CHST11: variants seen among roughly 807,000 people sequenced by gnomAD.
CHST11 encodes the protein carbohydrate sulfotransferase 11.
Under a neutral mutation model 30.4 loss-of-function variants are expected in CHST11, and 9 were observed. The observed-to-expected ratio is 0.30, with a 90% confidence interval of 0.18 to 0.52. The LOEUF is 0.52. Among genes scored for constraint, CHST11 ranks in the 20% least tolerant of loss-of-function variants. CHST11 has a pLI of 0.97. For missense variants in CHST11, 348 were observed against 460.6 expected, an observed-to-expected ratio of 0.76 and a Z score of 2.24; for synonymous variants, 152 against 187.8, an observed-to-expected ratio of 0.81 and a Z score of 1.56.
chr12:104,656,451 C>T (rs1327969508), intron 2 of CHST11, among the ~76,000 whole-genome samples: 1 of 152,192 alleles, frequency 6.6e-6, no homozygotes, highest in Non-Finnish European at 1.5e-5. Context: ...GAGCACAGCA[C>T]TCAGGCTCCG....
rs146216209 is a variant in CHST11, at chr12:104,484,850, T to C, written c.118+27321T>C. ...AGAAGGCTCTCTCCTGAGCAAGCCA[T>C]GCTGAAGCTAAGACATGAAGGATGT... is the stretch of plus-strand genomic sequence containing the variant. On this transcript the variant is annotated intron_variant, in intron 1 of 2. Coordinates refer to ENST00000303694, the MANE Select transcript of CHST11 (RefSeq NM_018413.6). Among the ~76,000 whole-genome samples the C allele has an allele frequency of 1.9e-3, 292 of 152,320 alleles. 3 individuals carry two copies. The highest frequency in any genetic ancestry group is 3.5e-3 in the Non-Finnish European group (237 of 68,016).
chr12:104,616,146 A>G (rs1188985488), intron 2 of CHST11, among the ~76,000 whole-genome samples: 2 of 152,206 alleles, frequency 1.3e-5, no homozygotes, highest in Admixed American at 6.5e-5. Context: ...TCACTTGGAC[A>G]ATGGAACTCC....
chr12:104,488,623 ATGTATG>A (rs1222505361), intron 1 of CHST11, among the ~76,000 whole-genome samples: 1 of 99,842 alleles, frequency 1.0e-5, no homozygotes, highest in Non-Finnish European at 2.2e-5. Context: ...GTATGTGTGC[ATGTATG>A]TGTGTGTGCG....
intron 1 of CHST11, among the ~76,000 whole-genome samples, chr12:104,468,145 G>A (rs2135952302): frequency 1.3e-5 from 2 of 152,004 alleles, no homozygotes; most frequent in Middle Eastern, 6.8e-3. Context: ...AGCAAGGAAG[G>A]GGGATGTGAA....
intron 2 of CHST11, among the ~76,000 whole-genome samples, chr12:104,737,402 T>C (rs2040310254): frequency 1.3e-5 from 2 of 152,228 alleles, no homozygotes; most frequent in African/African-American, 2.4e-5. Context: ...TGAGCCTCAG[T>C]TGACTCATTT....
At chr12:104,692,063 A>G (rs191214641) in intron 2 of CHST11, among the ~76,000 whole-genome samples, 2 of 152,360 alleles carry the variant, frequency 1.3e-5, no homozygotes, top group Non-Finnish European at 2.9e-5. Context: ...TTAAATACAT[A>G]CAATTGAGAG....
chr12:104,474,307 T>A (rs1291117757), intron 1 of CHST11, among the ~76,000 whole-genome samples: 1 of 152,220 alleles, frequency 6.6e-6, no homozygotes, highest in Non-Finnish European at 1.5e-5. Context: ...GAACAGGCAA[T>A]CTTTTAGTTA....
At chr12:104,622,260 G>A (rs934756612) in intron 2 of CHST11, among the ~76,000 whole-genome samples, 2 of 151,962 alleles carry the variant, frequency 1.3e-5, no homozygotes, top group Non-Finnish European at 2.9e-5. Context: ...CACATTCAAC[G>A]TGAAATTTAT....
At chr12:104,647,994 C>G (rs1181067195) in intron 2 of CHST11, among the ~76,000 whole-genome samples, 1 of 152,134 alleles carries the variant, frequency 6.6e-6, no homozygotes, top group African/African-American at 2.4e-5. Flanking sequence ...GGAGGATATG[C>G]CTTTTCTATG....
At chr12:104,740,593 G>A (rs1321533892) in intron 2 of CHST11, among the ~76,000 whole-genome samples, 1 of 152,214 alleles carries the variant, frequency 6.6e-6, no homozygotes, top group Non-Finnish European at 1.5e-5. Flanking sequence ...AAAATCAGAG[G>A]GTGGTATCAG....
At chr12:104,718,997 G>T (rs1175725173) in intron 2 of CHST11, among the ~76,000 whole-genome samples, 2 of 152,176 alleles carry the variant, frequency 1.3e-5, no homozygotes, top group Admixed American at 1.3e-4. Context: ...GAACCCCAAT[G>T]CATTTCTCCT....
At chr12:104,585,160 G>A (rs527735735) in intron 1 of CHST11, among the ~76,000 whole-genome samples, 7 of 152,308 alleles carry the variant, frequency 4.6e-5, no homozygotes, top group African/African-American at 1.2e-4. Context: ...GGGAGAGATC[G>A]TCTTTCCAGC....
intron 1 of CHST11, among the ~76,000 whole-genome samples, chr12:104,556,980 CAAA>C (rs529711471): frequency 2.5e-4 from 19 of 77,144 alleles, no homozygotes; most frequent in Admixed American, 4.1e-4. Flanking sequence ...GACTCTGTCT[CAAA>C]AAAAAAAAAA....
chr12:104,652,976 G>T (rs547318783), intron 2 of CHST11, among the ~76,000 whole-genome samples: 1 of 152,286 alleles, frequency 6.6e-6, no homozygotes, highest in East Asian at 1.9e-4. Flanking sequence ...GGGAGGCAGT[G>T]AGCTTTTTTT....
chr12:104,751,567 C>T (rs2040432075), intron 2 of CHST11, among the ~76,000 whole-genome samples: 1 of 152,202 alleles, frequency 6.6e-6, no homozygotes. Flanking sequence ...AATTACAGAG[C>T]TGGTGAAATT....
chr12:104,544,769 T>TCCCC (rs199741884), intron 1 of CHST11, among the ~76,000 whole-genome samples: 3 of 51,454 alleles, frequency 5.8e-5, no homozygotes, highest in African/African-American at 1.1e-4. Context: ...GGGGTCACAG[T>TCCCC]CCCCCCACCC....
intron 2 of CHST11, among the ~76,000 whole-genome samples, chr12:104,682,228 G>A (rs1215549118): frequency 6.6e-6 from 1 of 152,184 alleles, no homozygotes; most frequent in Non-Finnish European, 1.5e-5. Flanking sequence ...TATATATGTT[G>A]TACAGCACTG....
intron 1 of CHST11, among the ~76,000 whole-genome samples, chr12:104,590,400 C>T (rs1210311832): frequency 1.3e-5 from 2 of 152,196 alleles, no homozygotes; most frequent in Non-Finnish European, 2.9e-5. Context: ...ACTGGGGTGA[C>T]TGTATTTCAA....
intron 1 of CHST11, among the ~76,000 whole-genome samples, chr12:104,475,658 T>TTATATATATATATA (rs67453124): frequency 0.02 from 660 of 33,582 alleles, 51 homozygotes; most frequent in Admixed American, 0.024. Context: ...TAAAGCAGCA[T>TTATATATATATATA]TATATATATA....
Sources: allele counts gnomAD v4.1 joint callset (sites outside exome capture counted in the v4.1 genomes callset), GRCh38; gene constraint gnomAD v4.1.1; transcripts MANE v1.5; gene names NCBI Gene and HGNC (gene_info 2026-07-23, HGNC 2026-07-21).